ERCC6: variants seen among roughly 807,000 people sequenced by gnomAD.
ERCC6 encodes the protein ERCC excision repair 6, chromatin remodeling factor, also known as DNA excision repair protein ERCC-6.
Under a neutral mutation model 158.7 loss-of-function variants are expected in ERCC6, and 116 were observed. That is an observed-to-expected ratio of 0.73 (90% confidence interval 0.63 to 0.85). ERCC6 has a LOEUF of 0.85. ERCC6 is among the 40% of genes least tolerant of loss of function. ERCC6 has a pLI of 0.00. For synonymous variants in ERCC6, 678 were observed against 659.3 expected, an observed-to-expected ratio of 1.03 and a Z score of -0.43; for missense variants, 1,698 against 1,799.4, an observed-to-expected ratio of 0.94 and a Z score of 1.02.
chr10:49,525,150 C>G lies in ERCC6; in HGVS notation c.653-373G>C, dbSNP rs554381762. 2.0e-5 allele frequency: 5 copies of G among 254,282 alleles called. No homozygotes were observed. In the Admixed American group the frequency reaches 2.1e-4, roughly 10 times the overall value. 15.8% of individuals were successfully genotyped at this position (254,282 alleles called of 1,614,324 possible). ...GAGGAAGCAAGCTCCGAAGTTCTCA[C>G]GTCATTGCTAAAACCAACATTCAGA... On this transcript the variant is annotated intron_variant, in intron 4 of 20. Coordinates refer to ENST00000355832, the MANE Select transcript of ERCC6 (RefSeq NM_000124.4).
rs759542213 is a variant in ERCC6, at chr10:49,471,000, G to C, written c.3045C>G (p.Ser1015Arg). 2.5e-6 allele frequency: 4 copies of C among 1,613,930 alleles called. No homozygotes were observed. The Admixed American group carries it at 6.7e-5, about 27-fold the overall frequency. The change falls in exon 17 of 21, where the codon AGC becomes AGG. Residue 1015 changes from serine (S) to arginine (R), a missense_variant. By Grantham distance (110) the Ser-to-Arg change is moderately radical. Coordinates refer to ENST00000355832, the MANE Select transcript of ERCC6 (RefSeq NM_000124.4). ...CTGCAAAAATTGCACTTGTTTCAGT[G>C]CTCTGGGATGCATCAGGACTAGTCA... ...FTLTSPDASQ[S>R]TETSAIFAGT... is the part of the protein sequence containing the mutation.
chr10:49,527,384 G>A (rs896241559), intron 4 of ERCC6, among the ~76,000 whole-genome samples: 7 of 152,156 alleles, frequency 4.6e-5, no homozygotes, highest in African/African-American at 1.7e-4. Context: ...TTAAAACCAC[G>A]TACTTTTGGG....
the ERCC6 span, among the ~76,000 whole-genome samples, chr10:49,448,102 AG>A: frequency 2.6e-5 from 4 of 152,242 alleles, no homozygotes; most frequent in African/African-American, 9.6e-5. Flanking sequence ...TAACTTTTTG[AG>A]GAAACACCAA....
chr10:49,438,904 C>T, the ERCC6 span, among the ~76,000 whole-genome samples: 1 of 152,228 alleles, frequency 6.6e-6, no homozygotes, highest in Non-Finnish European at 1.5e-5. Context: ...TCTCCTTTGA[C>T]TCCAAGTCTC....
chr10:49,493,472 T>C (rs1265175213), intron 7 of ERCC6, among the ~76,000 whole-genome samples: 1 of 152,168 alleles, frequency 6.6e-6, no homozygotes, highest in Non-Finnish European at 1.5e-5. Context: ...GATGTAGGTG[T>C]TAAGAGAAAA....
Position 49,524,507 on chromosome 10 carries a change from ACTGGGG to A in ERCC6, c.917_922del (p.Ala306_Pro307del). 1 of 1,614,070 alleles carries A rather than the reference ACTGGGG, an allele frequency of 6.2e-7. No homozygotes were observed. Among genetic ancestry groups the A allele is most frequent in the East Asian group, 2.2e-5 (1 of 44,878 alleles). The stretch of plus-strand genomic sequence containing the variant: ...CTTGTTTGGTTTGTTTTTATTTTGC[ACTGGGG>A]CTGGAGGCGTGACTGGGGCTGGAGC... On this transcript the variant is annotated inframe_deletion, in exon 5 of 21. Transcript: ENST00000355832.
chr10:49,475,845 T>C (rs1850867100), intron 12 of ERCC6, among the ~76,000 whole-genome samples: 1 of 152,192 alleles, frequency 6.6e-6, no homozygotes, highest in South Asian at 2.1e-4. Context: ...CTCATGATCC[T>C]CTCCACAAGA....
intron 8 of ERCC6, among the ~76,000 whole-genome samples, chr10:49,491,616 C>A (rs961818166): frequency 4.6e-5 from 7 of 152,190 alleles, no homozygotes; most frequent in African/African-American, 1.7e-4. Flanking sequence ...ACTGTCAATT[C>A]TATTTCCATA....
In ERCC6 at chr10:49,494,301, T is replaced by C. The variant is rs1851227873; in HGVS notation, c.1686-1049A>G. Among the ~76,000 whole-genome samples the C allele has an allele frequency of 2.6e-5, 4 of 152,184 alleles. No homozygotes were observed. The South Asian group carries it at 8.3e-4, about 32-fold the overall frequency. ...ATTACGAAGATTAAATCAGTTAACA[T>C]CTGTAAAGTGCTTAGAACAGGACCA... is the stretch of plus-strand genomic sequence containing the variant. On this transcript the variant is annotated intron_variant, in intron 7 of 20. Coordinates refer to ENST00000355832, the MANE Select transcript of ERCC6 (RefSeq NM_000124.4).
At chr10:49,515,992 C>A (rs766553083) in intron 5 of ERCC6, 2 of 1,614,188 alleles carry the variant, frequency 1.2e-6, no homozygotes, top group Non-Finnish European at 1.7e-6. Context: ...TCCTTTCTCA[C>A]TGTACCTGTT....
intron 8 of ERCC6, among the ~76,000 whole-genome samples, chr10:49,490,804 C>G (rs1260927876): frequency 6.6e-6 from 1 of 152,152 alleles, no homozygotes; most frequent in African/African-American, 2.4e-5. Context: ...CCTAATACAT[C>G]CAGTATTGAA....
Position 49,483,452 on chromosome 10 carries a change from C to A in ERCC6, c.1886G>T (p.Arg629Leu). 6.2e-7 allele frequency: 1 copy of A among 1,613,736 alleles called. No individual in the cohort carries two copies. The highest frequency in any genetic ancestry group is 8.5e-7 in the Non-Finnish European group (1 of 1,179,690). Residue 629 changes from arginine (R) to leucine (L), a missense_variant, in exon 9 of 21, where the codon CGA becomes CTA. Transcript: ENST00000355832. The stretch of plus-strand genomic sequence containing the variant: ...CCTGCTAATGTCATCCTGCATCAAT[C>A]GAATGTAGGAGTAAGATGTGATCAA... ...GILITSYSYI[R>L]LMQDDISRYD...
intron 1 of ERCC6, among the ~76,000 whole-genome samples, chr10:49,537,483 A>G (rs1156755849): frequency 6.9e-6 from 1 of 145,530 alleles, no homozygotes; most frequent in Non-Finnish European, 1.5e-5. Context: ...CAGACATTTA[A>G]AAACTATATA....
chr10:49,506,942 C>T lies in ERCC6; in HGVS notation c.1398-930G>A, dbSNP rs1291357725. Among the ~76,000 whole-genome samples, 3 of 151,850 alleles carry T rather than the reference C, an allele frequency of 2.0e-5. 1 individual carries two copies. The highest frequency in any genetic ancestry group is 4.1e-4 in the South Asian group (2 of 4,826). On this transcript the variant is annotated intron_variant, in intron 5 of 20. Transcript: ENST00000355832. Reference sequence around the variant, plus strand: ...AATAAAACAATAATACAGAGAAATGCTTTCAAACTACAATAAAAAAAAAAC... The same window carrying T: ...AATAAAACAATAATACAGAGAAATGTTTTCAAACTACAATAAAAAAAAAAC...
chr10:49,448,101 G>C, the ERCC6 span, among the ~76,000 whole-genome samples: 6 of 152,228 alleles, frequency 3.9e-5, no homozygotes, highest in African/African-American at 1.4e-4. Context: ...TTAACTTTTT[G>C]AGGAAACACC....
intron 12 of ERCC6, among the ~76,000 whole-genome samples, chr10:49,474,544 C>A (rs948183236): frequency 1.3e-5 from 2 of 152,046 alleles, no homozygotes; most frequent in Non-Finnish European, 2.9e-5. Flanking sequence ...ATGCAGTTCA[C>A]GGTATTATAA....
chr10:49,451,343 T>A (rs987398818), downstream of ERCC6, among the ~76,000 whole-genome samples: 7 of 152,132 alleles, frequency 4.6e-5, no homozygotes, highest in Non-Finnish European at 8.8e-5. Context: ...ATAATGGGCA[T>A]CCTTGTCTTA....
chr10:49,513,486 C>T (rs1460875937), intron 5 of ERCC6, among the ~76,000 whole-genome samples: 1 of 151,968 alleles, frequency 6.6e-6, no homozygotes, highest in Non-Finnish European at 1.5e-5. Context: ...TGTATGAGTC[C>T]ATTTTCACTG....
chr10:49,524,313 C>CA lies in ERCC6; in HGVS notation c.1116dup (p.Glu373Ter). ...TCCTCCTCCTCTGTGGGGAAATACT[C>CA]AGACTCTTCACCCTCAGAGTCTCCC... On this transcript the variant is annotated frameshift_variant, in exon 5 of 21. Transcript: ENST00000355832. LOFTEE classifies it high-confidence loss of function. 6.2e-7 allele frequency: 1 copy of CA among 1,614,064 alleles called. No homozygotes were observed. Among genetic ancestry groups the CA allele is most frequent in the Non-Finnish European group, 8.5e-7 (1 of 1,179,988 alleles).
Sources: allele counts gnomAD v4.1 joint callset (sites outside exome capture counted in the v4.1 genomes callset), GRCh38; gene constraint gnomAD v4.1.1; transcripts MANE v1.5; gene names NCBI Gene and HGNC (gene_info 2026-07-23, HGNC 2026-07-21).